The following TMEM108 variants were observed in gnomAD, a reference collection of about 807,000 sequenced individuals.
TMEM108 encodes the protein cancer/testis antigen 124.
TMEM108 carries 12 observed loss-of-function variants against 35.1 expected under a neutral mutation model. That is an observed-to-expected ratio of 0.34 (90% CI 0.22 to 0.55). The LOEUF (loss-of-function observed/expected upper bound fraction) is 0.55. Among genes scored for constraint, TMEM108 ranks in the 20% least tolerant of loss-of-function variants. TMEM108 has a pLI of 0.89. For synonymous variants in TMEM108, 287 were observed against 308.6 expected (o/e 0.93, Z 0.73); for missense variants, 680 against 753.3 (o/e 0.90, Z 1.14).
At chr3:133,363,438 A>C (rs1416836678) in intron 3 of TMEM108, among the ~76,000 whole-genome samples, 2 of 148,456 alleles carry the variant, frequency 1.3e-5, no homozygotes, top group Non-Finnish European at 3.0e-5. Context: ...TTGAGACAGG[A>C]TCTTGCTCTG....
At chr3:133,250,913 A>G (rs1284242368) in intron 3 of TMEM108, among the ~76,000 whole-genome samples, 1 of 152,074 alleles carries the variant, frequency 6.6e-6, no homozygotes, top group Non-Finnish European at 1.5e-5. Context: ...CCCATCTCTT[A>G]AAGCAGAATT....
chr3:133,368,625 A>T (rs952427794), intron 3 of TMEM108, among the ~76,000 whole-genome samples: 1 of 149,878 alleles, frequency 6.7e-6, no homozygotes, highest in Non-Finnish European at 1.5e-5. Context: ...AGATAAATAC[A>T]TGCACTCACA....
chr3:133,369,242 G>A (rs1263262793), intron 3 of TMEM108, among the ~76,000 whole-genome samples: 1 of 152,162 alleles, frequency 6.6e-6, no homozygotes, highest in African/African-American at 2.4e-5. Context: ...TTTCTACCTG[G>A]GGAGTTGAGG....
chr3:133,260,975 C>A (rs1239439544), intron 3 of TMEM108, among the ~76,000 whole-genome samples: 1 of 152,096 alleles, frequency 6.6e-6, no homozygotes, highest in Non-Finnish European at 1.5e-5. Context: ...GATGTCCTAA[C>A]CAGATAGGTT....
At chr3:133,261,492 A>G (rs1222854898) in intron 3 of TMEM108, among the ~76,000 whole-genome samples, 2 of 151,824 alleles carry the variant, frequency 1.3e-5, no homozygotes, top group Admixed American at 1.3e-4. Context: ...TGCTCCTCAT[A>G]CTCTTACTTA....
At chr3:133,359,784 T>G (rs1020434134) in intron 3 of TMEM108, among the ~76,000 whole-genome samples, 4 of 152,212 alleles carry the variant, frequency 2.6e-5, no homozygotes, top group African/African-American at 4.8e-5. Flanking sequence ...TTGGCAGTTT[T>G]TAATCAAGTT....
chr3:133,139,369 C>A (rs956833995), intron 2 of TMEM108, among the ~76,000 whole-genome samples: 1 of 152,132 alleles, frequency 6.6e-6, no homozygotes, highest in African/African-American at 2.4e-5. Flanking sequence ...AAGAAAAAAA[C>A]AACCTCTGTT....
chr3:133,316,660 C>T (rs1450475508), intron 3 of TMEM108, among the ~76,000 whole-genome samples: 1 of 152,190 alleles, frequency 6.6e-6, no homozygotes, highest in Non-Finnish European at 1.5e-5. Context: ...TATACCTTAC[C>T]TGTAACTCTG....
At chr3:133,281,638 G>A (rs958697240) in intron 3 of TMEM108, among the ~76,000 whole-genome samples, 9 of 152,226 alleles carry the variant, frequency 5.9e-5, no homozygotes, top group Non-Finnish European at 1.2e-4. Flanking sequence ...TGATAATGAG[G>A]CATGCTACAG....
rs190416900 is a variant in TMEM108, at chr3:133,201,449, C to T, written c.-46-27817C>T. ...TCTTCTAATGCTATCCCTCCCCTAG[C>T]CCCCCACCACCTCCTGACAGGCCCC... is the stretch of plus-strand genomic sequence containing the variant. On this transcript the variant is annotated intron_variant, in intron 2 of 5. Transcript: ENST00000321871. Among the ~76,000 whole-genome samples, 8 of 151,420 alleles carry T rather than the reference C, an allele frequency of 5.3e-5. No individual in the cohort carries two copies. In the East Asian group the frequency reaches 1.6e-3, roughly 30 times the overall value.
At chr3:133,349,931 T>C (rs2071940298) in intron 3 of TMEM108, among the ~76,000 whole-genome samples, 1 of 152,116 alleles carries the variant, frequency 6.6e-6, no homozygotes, top group Non-Finnish European at 1.5e-5. Flanking sequence ...CCCATTACTG[T>C]ATATATATCC....
intron 1 of TMEM108, among the ~76,000 whole-genome samples, chr3:133,043,694 T>C (rs1205311788): frequency 1.3e-5 from 2 of 152,072 alleles, no homozygotes; most frequent in Admixed American, 1.3e-4. Context: ...ACTTCTGAGG[T>C]AGTACACCTC....
Position 133,346,238 on chromosome 3 carries a change from A to G in TMEM108, c.41-33514A>G, listed in dbSNP as rs1487577160. Among the ~76,000 whole-genome samples the G allele has an allele frequency of 6.6e-6, 1 of 151,894 alleles. No homozygotes were observed. Among genetic ancestry groups the G allele is most frequent in the Non-Finnish European group, 1.5e-5 (1 of 67,866 alleles). ...AACTTTCTTCCTTGGTGGCTGTACCATTTTGCATTCCTGTCAGCACTGAAT... is the reference window on the plus strand; with the variant it reads ...AACTTTCTTCCTTGGTGGCTGTACCGTTTTGCATTCCTGTCAGCACTGAAT... On this transcript the variant is annotated intron_variant, in intron 3 of 5. Transcript: ENST00000321871. This position sits in a 1 kb window ranked among gnomAD's most constrained non-coding sequence, Gnocchi z 4.0.
intron 3 of TMEM108, among the ~76,000 whole-genome samples, chr3:133,245,334 C>T (rs1946369709): frequency 6.6e-6 from 1 of 152,184 alleles, no homozygotes. Flanking sequence ...TCCAGTCACA[C>T]TGATGTTCTT....
chr3:133,262,772 C>A (rs1946642455), intron 3 of TMEM108, among the ~76,000 whole-genome samples: 1 of 152,230 alleles, frequency 6.6e-6, no homozygotes, highest in African/African-American at 2.4e-5. Flanking sequence ...TGGTTGCTCC[C>A]TTCAAAGAAC....
At chr3:133,311,979 A>G (rs1427427010) in intron 3 of TMEM108, among the ~76,000 whole-genome samples, 1 of 152,202 alleles carries the variant, frequency 6.6e-6, no homozygotes, top group Non-Finnish European at 1.5e-5. Context: ...TCTCAGCTGC[A>G]GGTCTGTTGG....
intron 2 of TMEM108, among the ~76,000 whole-genome samples, chr3:133,075,084 T>C (rs994568088): frequency 6.6e-6 from 1 of 152,216 alleles, no homozygotes; most frequent in Non-Finnish European, 1.5e-5. Context: ...GCTGCGTCTC[T>C]TTGCTGTGCT....
chr3:133,193,952 T>C (rs1328877908), intron 2 of TMEM108, among the ~76,000 whole-genome samples: 1 of 151,562 alleles, frequency 6.6e-6, no homozygotes, highest in East Asian at 1.9e-4. Context: ...TTTTTTTTTT[T>C]TTGAGACAGA....
intron 5 of TMEM108, among the ~76,000 whole-genome samples, chr3:133,392,350 ACAGGGT>A (rs1282594182): frequency 2.6e-5 from 4 of 151,902 alleles, no homozygotes; most frequent in African/African-American, 9.7e-5. Flanking sequence ...TTTAGTAGAG[ACAGGGT>A]TTCGCTATGT....
Sources: gnomAD v4.1 joint callset for allele counts (sites outside exome capture counted in the v4.1 genomes callset) on GRCh38, gnomAD v4.1.1 for gene constraint, Gnocchi (gnomAD v3.1) non-coding constraint, MANE v1.5 for transcripts, NCBI Gene and HGNC (gene_info 2026-07-23, HGNC 2026-07-21) for gene names.